The following NELL2 variants were observed in gnomAD, a reference collection of about 807,000 sequenced individuals.
NELL2 encodes the protein protein kinase C-binding protein NELL2.
A neutral mutation model predicts 109.6 loss-of-function variants in NELL2; 41 were observed. That is an observed-to-expected ratio of 0.37 (90% CI 0.29 to 0.49). The LOEUF (loss-of-function observed/expected upper bound fraction) is 0.49, where lower values mean the gene tolerates loss of function less well. Among genes scored for constraint, NELL2 ranks in the 20% least tolerant of loss-of-function variants. NELL2 has a pLI of 0.98. For missense variants in NELL2, 900 were observed against 1,008.3 expected (o/e 0.89, Z 1.45); for synonymous variants, 355 against 344.7 (o/e 1.03, Z -0.33).
chr12:44,771,121 C>T (rs1266998737), intron 9 of NELL2, among the ~76,000 whole-genome samples: 1 of 151,948 alleles, frequency 6.6e-6, no homozygotes, highest in Non-Finnish European at 1.5e-5. Flanking sequence ...CCATTTTCTA[C>T]AGCTATCTTG....
At chr12:44,879,360 G>A (rs908627444), upstream of NELL2, among the ~76,000 whole-genome samples, 10 of 152,186 alleles carry the variant, frequency 6.6e-5, no homozygotes, top group South Asian at 6.2e-4. Context: ...CAGCATCCAC[G>A]GAAAACTAAT....
intron 15 of NELL2, among the ~76,000 whole-genome samples, chr12:44,551,981 T>C (rs554177434): frequency 1.3e-5 from 2 of 152,266 alleles, no homozygotes; most frequent in South Asian, 2.1e-4. Flanking sequence ...GTCGTGCATG[T>C]AGGCATTCCT....
intron 9 of NELL2, among the ~76,000 whole-genome samples, chr12:44,773,456 A>G (rs1048602880): frequency 2.0e-5 from 3 of 152,140 alleles, no homozygotes; most frequent in African/African-American, 7.2e-5. Context: ...AGCCTGGGCG[A>G]CAGAGCGAGG....
chr12:44,819,629 G>A (rs1039182972), intron 2 of NELL2, among the ~76,000 whole-genome samples: 1 of 152,130 alleles, frequency 6.6e-6, no homozygotes, highest in Non-Finnish European at 1.5e-5. Flanking sequence ...GGTGCTATGA[G>A]GACTCCATCC....
At chr12:44,587,316 T>TTA (rs1475476791) in intron 15 of NELL2, among the ~76,000 whole-genome samples, 2 of 135,916 alleles carry the variant, frequency 1.5e-5, no homozygotes, top group Non-Finnish European at 3.1e-5. Flanking sequence ...TATTTTTTTT[T>TTA]AAATATGAAG....
intron 1 of NELL2, among the ~76,000 whole-genome samples, chr12:44,884,259 G>A (rs1405153988): frequency 6.6e-6 from 1 of 151,648 alleles, no homozygotes; most frequent in South Asian, 2.1e-4. Context: ...ATAACAAAAG[G>A]GTTCACAATT....
intron 16 of NELL2, among the ~76,000 whole-genome samples, chr12:44,523,896 C>G (rs1941650184): frequency 6.6e-6 from 1 of 151,932 alleles, no homozygotes. Context: ...TAGAAAAATC[C>G]CTTCTTAGTG....
intron 13 of NELL2, among the ~76,000 whole-genome samples, chr12:44,633,982 C>T (rs184438045): frequency 8.7e-4 from 133 of 152,116 alleles, no homozygotes; most frequent in African/African-American, 2.9e-3. Flanking sequence ...AAAGCTCTAT[C>T]GTAAAATAAA....
Position 44,713,714 on chromosome 12 carries a change from C to T in NELL2, c.1086+936G>A, listed in dbSNP as rs139944256. ...CTCTTTGCATCTCCTCCTTGCTTATCTCAAAGGATTTCCAAATTAAGATGC... is the reference window on the plus strand; with the variant it reads ...CTCTTTGCATCTCCTCCTTGCTTATTTCAAAGGATTTCCAAATTAAGATGC... On this transcript the variant is annotated intron_variant, in intron 10 of 19. Coordinates refer to ENST00000429094, the MANE Select transcript of NELL2 (RefSeq NM_001145108.2). 3.7e-4 allele frequency among the ~76,000 whole-genome samples: 56 copies of T among 151,988 alleles called. 1 individual carries two copies. In the East Asian group the frequency reaches 7.6e-3, roughly 20 times the overall value.
chr12:44,889,853 C>A (rs1184181136), intron 1 of NELL2, among the ~76,000 whole-genome samples: 1 of 152,162 alleles, frequency 6.6e-6, no homozygotes, highest in Non-Finnish European at 1.5e-5. Flanking sequence ...GTTCAGTCCT[C>A]AGGATGCAAT....
chr12:44,917,151 C>T (rs1945834538), upstream of NELL2, among the ~76,000 whole-genome samples: 1 of 152,130 alleles, frequency 6.6e-6, no homozygotes, highest in Admixed American at 6.5e-5. Context: ...ATTGAAGAAC[C>T]TTGCACCCAA....
chr12:44,526,670 G>C (rs1486889098), intron 16 of NELL2, among the ~76,000 whole-genome samples: 1 of 152,196 alleles, frequency 6.6e-6, no homozygotes, highest in East Asian at 1.9e-4. Context: ...GATCAAGAAC[G>C]ATGTATAGAT....
At chr12:44,562,954 G>C (rs1252311058) in intron 15 of NELL2, among the ~76,000 whole-genome samples, 1 of 152,166 alleles carries the variant, frequency 6.6e-6, no homozygotes, top group Non-Finnish European at 1.5e-5. Context: ...AAGAAAATGT[G>C]GCACATATAT....
At chr12:44,661,424 G>A (rs1947739801) in intron 13 of NELL2, among the ~76,000 whole-genome samples, 1 of 152,104 alleles carries the variant, frequency 6.6e-6, no homozygotes, top group Admixed American at 6.6e-5. Flanking sequence ...TCTGCCTTAT[G>A]CCCCTCAGTC....
intron 14 of NELL2, among the ~76,000 whole-genome samples, chr12:44,610,191 T>C (rs886956387): frequency 6.6e-6 from 1 of 151,168 alleles, no homozygotes; most frequent in Non-Finnish European, 1.5e-5. Flanking sequence ...AGAATCAATA[T>C]TCATGGTTAA....
chr12:44,817,480 C>T (rs1459796021), intron 2 of NELL2, among the ~76,000 whole-genome samples: 3 of 152,024 alleles, frequency 2.0e-5, no homozygotes, highest in Non-Finnish European at 4.4e-5. Context: ...GAGGTAGGTA[C>T]AAAGTGTTAA....
At chr12:44,741,205 T>C (rs1939939620) in intron 9 of NELL2, among the ~76,000 whole-genome samples, 5 of 152,242 alleles carry the variant, frequency 3.3e-5, no homozygotes, top group Admixed American at 3.3e-4. Flanking sequence ...ATACATTTTC[T>C]AATTTTTATG....
At chr12:44,738,262 A>T (rs1939757855) in intron 9 of NELL2, among the ~76,000 whole-genome samples, 1 of 152,182 alleles carries the variant, frequency 6.6e-6, no homozygotes, top group Non-Finnish European at 1.5e-5. Flanking sequence ...AGTGAATAAA[A>T]GTGTCATCAG....
At position 44,897,758 on chromosome 12, in the gene NELL2, C is replaced by T. The variant is rs572603003; in HGVS notation, c.38+16041G>A. Among the ~76,000 whole-genome samples the T allele has an allele frequency of 4.7e-4, 71 of 152,118 alleles. 1 individual carries two copies. The highest frequency in any genetic ancestry group is 1.6e-3 in the Admixed American group (25 of 15,282). ...ACCCCAGTGGTGCCTGGAATGCCCCCGAGACAGAACTGTTTACTCCCCTGG... is the reference window on the plus strand; with the variant it reads ...ACCCCAGTGGTGCCTGGAATGCCCCTGAGACAGAACTGTTTACTCCCCTGG... On this transcript the variant is annotated intron_variant, in intron 1 of 20. Coordinates refer to the NELL2 transcript ENST00000333837.
Sources: allele counts gnomAD v4.1 joint callset (sites outside exome capture counted in the v4.1 genomes callset), GRCh38; gene constraint gnomAD v4.1.1; transcripts MANE v1.5; gene names NCBI Gene and HGNC (gene_info 2026-07-23, HGNC 2026-07-21).